The following NAV3 variants were observed in gnomAD, a reference collection of about 807,000 sequenced individuals.
NAV3 encodes the protein neuron navigator 3, also known as pore membrane and/or filament interacting like protein 1.
Under a neutral mutation model 244.7 loss-of-function variants are expected in NAV3, and 87 were observed. The observed-to-expected ratio is 0.36, with a 90% CI of 0.30 to 0.42. The LOEUF (loss-of-function observed/expected upper bound fraction) is 0.42, where lower values mean the gene tolerates loss of function less well. Ranked by LOEUF, NAV3 falls within the 20% of genes least tolerant of loss-of-function variation. The probability of loss-of-function intolerance (pLI) is 1.00; values close to 1 mark genes in which losing one functional copy is unlikely to be tolerated. For missense variants in NAV3, 2,663 were observed against 2,893.3 expected (o/e 0.92, Z 1.83); for synonymous variants, 1,126 against 1,042.2 (o/e 1.08, Z -1.55).
chr12:77,611,751 G>T (rs1870923869), intron 2 of NAV3, among the ~76,000 whole-genome samples: 2 of 151,952 alleles, frequency 1.3e-5, no homozygotes, highest in South Asian at 2.1e-4. Context: ...AGCAAAAAGT[G>T]CTTTAATAAA....
rs75386046 is a variant in NAV3, at chr12:77,846,320, T to G, written c.243+14616T>G. ...GTTAATTCATTTTGTGTTTGCATAA[T>G]GAATGAATGCAATGTATTTAGAAAT... On this transcript the variant is annotated intron_variant, in intron 1 of 39. Transcript: ENST00000397909. Among the ~76,000 whole-genome samples the G allele has an allele frequency of 9.3e-4, 142 of 152,354 alleles. 1 individual carries two copies. In the East Asian group the frequency reaches 0.024, roughly 26 times the overall value.
chr12:77,654,001 T>C (rs970847762), intron 2 of NAV3, among the ~76,000 whole-genome samples: 6 of 152,208 alleles, frequency 3.9e-5, no homozygotes, highest in African/African-American at 1.2e-4. Flanking sequence ...GGAACAGCTC[T>C]GGTCTACAGC....
chr12:77,618,887 G>T (rs532292259), intron 2 of NAV3, among the ~76,000 whole-genome samples: 1 of 152,288 alleles, frequency 6.6e-6, no homozygotes, highest in Non-Finnish European at 1.5e-5. Flanking sequence ...GCCTACTTGA[G>T]ATTTCTTCTA....
intron 18 of NAV3, among the ~76,000 whole-genome samples, chr12:78,134,905 G>A (rs567781527): frequency 6.6e-6 from 1 of 152,306 alleles, no homozygotes; most frequent in East Asian, 1.9e-4. Flanking sequence ...TGCAATTTAA[G>A]ACAAAGTTGG....
chr12:77,698,987 T>C (rs1389593041), intron 2 of NAV3, among the ~76,000 whole-genome samples: 1 of 152,150 alleles, frequency 6.6e-6, no homozygotes, highest in Non-Finnish European at 1.5e-5. Flanking sequence ...GTCTGAATAT[T>C]CTAAATTAAA....
At chr12:78,092,027 C>T (rs1953972322) in intron 12 of NAV3, among the ~76,000 whole-genome samples, 1 of 152,104 alleles carries the variant, frequency 6.6e-6, no homozygotes, top group African/African-American at 2.4e-5. Flanking sequence ...ATTCATTATT[C>T]ATTCACCAAA....
intron 2 of NAV3, among the ~76,000 whole-genome samples, chr12:77,691,202 T>G (rs3897894): frequency 0.1 from 15,149 of 150,020 alleles, 2,124 homozygotes; most frequent in African/African-American, 0.32. Flanking sequence ...TTGAAACATT[T>G]TGTGAGTCTA....
chr12:77,668,367 TA>T (rs1565762798), intron 2 of NAV3, among the ~76,000 whole-genome samples: 1 of 151,826 alleles, frequency 6.6e-6, no homozygotes, highest in African/African-American at 2.4e-5. Context: ...AAGTCCAACT[TA>T]AAAAAAATTA....
intron 2 of NAV3, among the ~76,000 whole-genome samples, chr12:77,714,808 T>C (rs141990500): frequency 3.7e-4 from 57 of 152,256 alleles, no homozygotes; most frequent in East Asian, 2.7e-3. Context: ...AATTTGGGAA[T>C]CTTTGCCATT....
chr12:78,202,442 T>C (rs1351440978), intron 38 of NAV3, among the ~76,000 whole-genome samples: 1 of 152,078 alleles, frequency 6.6e-6, no homozygotes, highest in Admixed American at 6.6e-5. Flanking sequence ...ATGCTTAGCA[T>C]CCTTAGGTCT....
chr12:77,631,444 A>T (rs1192792285), intron 2 of NAV3, among the ~76,000 whole-genome samples: 1 of 151,530 alleles, frequency 6.6e-6, no homozygotes, highest in Non-Finnish European at 1.5e-5. Context: ...CCTGGAAAGC[A>T]AAATTGGCAT....
At chr12:77,739,031 A>T (rs865994265) in intron 2 of NAV3, among the ~76,000 whole-genome samples, 5 of 150,828 alleles carry the variant, frequency 3.3e-5, no homozygotes, top group African/African-American at 1.2e-4. Flanking sequence ...AAAAAAAAAA[A>T]AAAAAAAGAC....
chr12:77,789,806 G>A (rs1266426929), intron 2 of NAV3, among the ~76,000 whole-genome samples: 4 of 113,960 alleles, frequency 3.5e-5, no homozygotes, highest in Non-Finnish European at 6.9e-5. Context: ...GCAAAACTTC[G>A]TCTCGAAAAG....
At chr12:77,655,476 C>T (rs1873051911) in intron 2 of NAV3, among the ~76,000 whole-genome samples, 1 of 152,194 alleles carries the variant, frequency 6.6e-6, no homozygotes, top group Non-Finnish European at 1.5e-5. Flanking sequence ...AAATCTACGT[C>T]TGATTGGTGT....
intron 8 of NAV3, among the ~76,000 whole-genome samples, chr12:78,016,423 C>A (rs1475361821): frequency 6.6e-6 from 1 of 152,080 alleles, no homozygotes; most frequent in African/African-American, 2.4e-5. Flanking sequence ...TTTTTGTCAA[C>A]CATGAGAAAC....
chr12:77,704,900 T>C (rs1196683239), intron 2 of NAV3, among the ~76,000 whole-genome samples: 1 of 152,218 alleles, frequency 6.6e-6, no homozygotes, highest in Non-Finnish European at 1.5e-5. Flanking sequence ...TCCCCTAGGA[T>C]ATTGGAATTT....
chr12:77,831,772 A>ATTTCTCTTT (rs1873748801), intron 1 of NAV3, 68 bp downstream of exon 1: 1 of 1,496,328 alleles, frequency 6.7e-7, no homozygotes, highest in South Asian at 1.3e-5. Context: ...GTGCACTATA[A>ATTTCTCTTT]AACATGTTAT....
At chr12:77,650,702 A>G (rs913464162) in intron 2 of NAV3, among the ~76,000 whole-genome samples, 1 of 152,098 alleles carries the variant, frequency 6.6e-6, no homozygotes, top group Non-Finnish European at 1.5e-5. Context: ...TTTTTGTTTC[A>G]TGGATGTTAT....
At chr12:78,142,343 C>T (rs981794750) in intron 20 of NAV3, among the ~76,000 whole-genome samples, 4 of 151,910 alleles carry the variant, frequency 2.6e-5, no homozygotes, top group Non-Finnish European at 4.4e-5. Flanking sequence ...GTCCAGTAGA[C>T]CTTTCTGTGT....
Sources: gnomAD v4.1 joint callset for allele counts (sites outside exome capture counted in the v4.1 genomes callset) on GRCh38, gnomAD v4.1.1 for gene constraint, MANE v1.5 for transcripts, NCBI Gene and HGNC (gene_info 2026-07-23, HGNC 2026-07-21) for gene names.